Variants in PRKX observed in about 807,000 individuals in gnomAD.
The protein encoded by PRKX is protein kinase cAMP-dependent X-linked catalytic subunit.
Under a neutral mutation model 22.0 loss-of-function variants are expected in PRKX, and 12 were observed. That is an observed-to-expected ratio of 0.54 (90% CI 0.35 to 0.88). The LOEUF (loss-of-function observed/expected upper bound fraction) is 0.88, where lower values mean the gene tolerates loss of function less well. PRKX is among the 40% of genes least tolerant of loss of function. The pLI is 0.01. For synonymous variants in PRKX, 134 were observed against 137.7 expected (o/e 0.97, Z 0.19); for missense variants, 217 against 308.0 (o/e 0.70, Z 2.21).
At chrX:3,665,153 T>G (rs1927696841) in intron 2 of PRKX, among the ~76,000 whole-genome samples, 1 of 111,603 alleles carries the variant, frequency 9.0e-6, no homozygotes, top group South Asian at 3.7e-4. Context: ...TGCACGTGTG[T>G]GTGCTTGTGT....
intron 4 of PRKX, among the ~76,000 whole-genome samples, chrX:3,637,382 G>C (rs1052406543): frequency 9.0e-6 from 1 of 111,375 alleles, no homozygotes; most frequent in African/African-American, 3.3e-5. Flanking sequence ...ACAGCTGATG[G>C]GTACGTGGAC....
At chrX:3,654,821 C>G (rs1927445010) in intron 3 of PRKX, among the ~76,000 whole-genome samples, 1 of 110,463 alleles carries the variant, frequency 9.1e-6, no homozygotes, top group African/African-American at 3.3e-5. Context: ...CGATGCAGAT[C>G]TATTTTATAG....
intron 2 of PRKX, among the ~76,000 whole-genome samples, chrX:3,669,348 AT>A (rs1927802461): frequency 9.0e-6 from 1 of 111,445 alleles, no homozygotes; most frequent in East Asian, 2.8e-4. Flanking sequence ...CCATCCATCC[AT>A]CCATCCATCC....
At chrX:3,637,894 G>A (rs12850668) in intron 4 of PRKX, among the ~76,000 whole-genome samples, 29,295 of 107,690 alleles carry the variant, frequency 0.27, 3,403 homozygotes, top group Admixed American at 0.44. Context: ...TCAGACTCCC[G>A]AGTAGCTAGG....
chrX:3,615,624 C>T (rs1344447715), intron 7 of PRKX, among the ~76,000 whole-genome samples, 191 bp downstream of exon 7: 1 of 111,652 alleles, frequency 9.0e-6, no homozygotes, highest in East Asian at 2.8e-4. Flanking sequence ...TTTGTGGGAG[C>T]TAGGTAGATG....
chrX:3,708,959 A>T (rs1176754575), intron 1 of PRKX, among the ~76,000 whole-genome samples: 1 of 110,130 alleles, frequency 9.1e-6, no homozygotes, highest in East Asian at 2.9e-4. Context: ...ACACTGGGTA[A>T]AACTGCACAG....
In PRKX at chrX:3,626,409, G is replaced by T. The variant is rs752087207; in HGVS notation, c.815+10C>A. On this transcript the variant is annotated intron_variant, in intron 5 of 8. Coordinates refer to ENST00000262848, the MANE Select transcript of PRKX (RefSeq NM_005044.5). ...AACACACCTCATGATGAGGCAAACG[G>T]TTTACTTACTTTACATGGAAATCCA... The T allele has an allele frequency of 4.2e-6, 5 of 1,189,425 alleles. No homozygotes were observed. In the East Asian group the frequency reaches 8.9e-5, roughly 21 times the overall value.
chrX:3,700,513 C>T (rs756969687), intron 1 of PRKX, among the ~76,000 whole-genome samples: 26 of 111,000 alleles, frequency 2.3e-4, no homozygotes, highest in Non-Finnish European at 2.5e-4. Flanking sequence ...TGAGTCGTTA[C>T]TGATTTTTTT....
At chrX:3,689,728 A>G (rs1048163829) in intron 1 of PRKX, among the ~76,000 whole-genome samples, 24 of 111,916 alleles carry the variant, frequency 2.1e-4, no homozygotes, top group Admixed American at 2.1e-3. Context: ...CTGTAATCCC[A>G]ACACTTTGGG....
intron 1 of PRKX, among the ~76,000 whole-genome samples, chrX:3,692,178 G>A (rs1481896403): frequency 9.1e-6 from 1 of 109,422 alleles, no homozygotes; most frequent in Non-Finnish European, 1.9e-5. Flanking sequence ...TCACGCTAAA[G>A]CAGGTTCTCT....
chrX:3,625,745 A>G (rs769036992), intron 5 of PRKX, among the ~76,000 whole-genome samples: 119 of 110,426 alleles, frequency 1.1e-3, no homozygotes, highest in African/African-American at 3.8e-3. Context: ...CTAATTTTTT[A>G]TATTTTCAGT....
At chrX:3,614,291 A>T (rs1926372490) in intron 7 of PRKX, among the ~76,000 whole-genome samples, 1 of 111,739 alleles carries the variant, frequency 8.9e-6, no homozygotes, top group Non-Finnish European at 1.9e-5. Flanking sequence ...ACTTGAGGTT[A>T]GGAGATTGAG....
At chrX:3,698,272 A>G (rs1232184353) in intron 1 of PRKX, among the ~76,000 whole-genome samples, 1 of 111,905 alleles carries the variant, frequency 8.9e-6, no homozygotes, top group Non-Finnish European at 1.9e-5. Context: ...CCACAGACGC[A>G]GGAAGAAATG....
intron 1 of PRKX, among the ~76,000 whole-genome samples, chrX:3,707,845 A>G (rs753104683): frequency 1.5e-4 from 17 of 111,395 alleles, no homozygotes; most frequent in African/African-American, 5.6e-4. Flanking sequence ...CATAAGGTAA[A>G]TAAGATCAAA....
At chrX:3,679,509 T>C (rs983979050) in intron 1 of PRKX, among the ~76,000 whole-genome samples, 1 of 112,483 alleles carries the variant, frequency 8.9e-6, no homozygotes, top group Non-Finnish European at 1.9e-5. Flanking sequence ...AGGCTCTGAA[T>C]ACTCAAAGTG....
chrX:3,645,397 T>C (rs374369172), intron 3 of PRKX, among the ~76,000 whole-genome samples: 7 of 111,813 alleles, frequency 6.3e-5, no homozygotes, highest in African/African-American at 1.6e-4. Context: ...CCTGCACTGG[T>C]TGAACTGTGC....
At chrX:3,647,196 T>C (rs1040377999) in intron 3 of PRKX, among the ~76,000 whole-genome samples, 7 of 108,503 alleles carry the variant, frequency 6.5e-5, no homozygotes, top group African/African-American at 2.3e-4. Flanking sequence ...TATATAAATT[T>C]AAATTTTAAA....
chrX:3,679,630 G>T (rs1311668351), intron 1 of PRKX, among the ~76,000 whole-genome samples: 2 of 108,719 alleles, frequency 1.8e-5, no homozygotes, highest in African/African-American at 6.9e-5. Flanking sequence ...AAATATTCTT[G>T]TCTTGATAAC....
At chrX:3,667,773 T>C (rs1414231469) in intron 2 of PRKX, among the ~76,000 whole-genome samples, 1 of 110,795 alleles carries the variant, frequency 9.0e-6, no homozygotes, top group Non-Finnish European at 1.9e-5. Flanking sequence ...TGCATTCCTG[T>C]GTCCACCTCC....
Sources: gnomAD v4.1 joint callset for allele counts (sites outside exome capture counted in the v4.1 genomes callset) on GRCh38, gnomAD v4.1.1 for gene constraint, MANE v1.5 for transcripts, NCBI Gene and HGNC (gene_info 2026-07-23, HGNC 2026-07-21) for gene names.